The following AFDN variants were observed in gnomAD, a reference collection of about 807,000 sequenced individuals.
The protein encoded by AFDN is afadin, adherens junction formation factor, also known as afadin.
AFDN carries 68 observed loss-of-function variants against 216.6 expected under a neutral mutation model. That is an observed-to-expected ratio of 0.31 (90% CI 0.26 to 0.38). The LOEUF (loss-of-function observed/expected upper bound fraction) is 0.38, where lower values mean the gene tolerates loss of function less well. Among genes scored for constraint, AFDN ranks in the 10% least tolerant of loss-of-function variants. The pLI, the probability that AFDN is intolerant of heterozygous loss-of-function variation, is 1.00. For synonymous variants in AFDN, 868 were observed against 853.7 expected (o/e 1.02, Z -0.29); for missense variants, 2,136 against 2,342.0 (o/e 0.91, Z 1.82).
chr6:167,870,265 A>C (rs1409858508), intron 2 of AFDN, 121 bp from the exon 3 acceptor site: 3 of 612,028 alleles, frequency 4.9e-6, no homozygotes, highest in Non-Finnish European at 8.7e-6. Context: ...TGAACAATAC[A>C]TTTCAGTCTG....
chr6:167,966,373 C>CT, intron 32 of AFDN: 1 of 1,083,400 alleles, frequency 9.2e-7, no homozygotes, highest in Non-Finnish European at 1.2e-6. Context: ...GGCGATCATA[C>CT]TTGCCTTGGA....
At position 167,834,916 on chromosome 6, in the gene AFDN, A is replaced by G. The variant is rs192013667; in HGVS notation, c.105+7679A>G. Among the ~76,000 whole-genome samples the G allele has an allele frequency of 1.2e-3, 183 of 152,288 alleles. 1 individual carries two copies. The highest frequency in any genetic ancestry group is 4.2e-3 in the African/African-American group (176 of 41,564). Reference sequence around the variant, plus strand: ...ACGATTGCTTGAGCCCAGGAGGTCAAGGCTGCAGTGACCTATGAAGGAGCC... The same window carrying G: ...ACGATTGCTTGAGCCCAGGAGGTCAGGGCTGCAGTGACCTATGAAGGAGCC... On this transcript the variant is annotated intron_variant, in intron 1 of 33. Coordinates refer to ENST00000683244, the MANE Select transcript of AFDN (RefSeq NM_001386888.1).
intron 9 of AFDN, among the ~76,000 whole-genome samples, chr6:167,895,838 C>A (rs758735429): frequency 2.6e-5 from 4 of 152,126 alleles, no homozygotes; most frequent in Non-Finnish European, 2.9e-5. Context: ...TTATAAGGCA[C>A]TCATAAAGCA....
At position 167,872,359 on chromosome 6, in the gene AFDN, C is replaced by T; in HGVS notation, c.560C>T (p.Pro187Leu). ...CAGGCATCTGATAAAGATGATAGAC[C>T]TTTCCAAGGGGAGGATGTGTAAGTC... ...LRQASDKDDR[P>L]FQGEDVENSR... The change falls in exon 4 of 34, where the codon CCT becomes CTT. Residue 187 changes from proline to leucine, a missense_variant. By Grantham distance (98) the Pro-to-Leu change is moderately conservative. Around this residue, in one of 8 missense-constraint regions of AFDN, gnomAD observed 817 missense variants for 965.7 expected, o/e 0.85. Coordinates refer to ENST00000683244, the MANE Select transcript of AFDN (RefSeq NM_001386888.1). 1 of 1,610,364 alleles carries T rather than the reference C, an allele frequency of 6.2e-7. No individual in the cohort carries two copies.
chr6:167,879,684 G>A lies in AFDN; in HGVS notation c.740-676G>A, dbSNP rs1785868518. 2.6e-5 allele frequency among the ~76,000 whole-genome samples: 4 copies of A among 152,284 alleles called. No homozygotes were observed. In the South Asian group the frequency reaches 8.3e-4, roughly 32 times the overall value. ...TAAAAAGAAACAAAAGAAAATGTCA[G>A]GATATCCAAATTGCTCTGCTGTAGT... On this transcript the variant is annotated intron_variant, in intron 5 of 33. Transcript: ENST00000683244.
chr6:167,872,372 G>C lies in AFDN; in HGVS notation c.573G>C (p.Glu191Asp). Residue 191 changes from glutamate (E) to aspartate (D), a missense_variant, in exon 4 of 34, where the codon GAG (glutamate) becomes GAC (aspartate). Glu to Asp is a conservative substitution (Grantham distance 45, BLOSUM62 2). Coordinates refer to ENST00000683244, the MANE Select transcript of AFDN (RefSeq NM_001386888.1). ...SDKDDRPFQGEDVENSRLAAE... is the reference protein window; with the variant it reads ...SDKDDRPFQGDDVENSRLAAE... The stretch of plus-strand genomic sequence containing the variant: ...AAGATGATAGACCTTTCCAAGGGGA[G>C]GATGTGTAAGTCAGTTTTGGAAATG... 1.9e-6 allele frequency: 3 copies of C among 1,605,400 alleles called. No homozygotes were observed. The highest frequency in any genetic ancestry group is 2.5e-6 in the Non-Finnish European group (3 of 1,177,766).
rs1797951177 is a variant in AFDN, at chr6:167,970,462, T to C, written c.*527T>C. On this transcript the variant is annotated 3_prime_UTR_variant, in exon 34 of 34. Coordinates refer to ENST00000683244, the MANE Select transcript of AFDN (RefSeq NM_001386888.1). The stretch of plus-strand genomic sequence containing the variant: ...GACGACATGCTCCTCCCATGTCCCC[T>C]GATGGTGTCTGTTCCCACAATATCC... 9.1e-6 allele frequency: 2 copies of C among 220,168 alleles called. No individual in the cohort carries two copies. The highest frequency in any genetic ancestry group is 5.8e-5 in the Admixed American group (1 of 17,278). 13.6% of individuals were successfully genotyped at this position (220,168 alleles called of 1,614,324 possible). A position where few individuals can be genotyped will look rare whatever the true frequency, so the allele number is the denominator to read the frequency against.
chr6:167,844,177 AGTGTGTGTGT>A (rs71004173), intron 1 of AFDN, among the ~76,000 whole-genome samples: 3,943 of 141,768 alleles, frequency 0.028, 61 homozygotes, highest in Non-Finnish European at 0.033. Context: ...TCAAAAATGA[AGTGTGTGTGT>A]GTGTGTGTGT....
rs1788540351 is a variant in AFDN, at chr6:167,898,367, T to C, written c.1480T>C (p.Ser494Pro). The change falls in exon 11 of 34, where the codon TCC becomes CCC. Residue 494 changes from serine (S) to proline (P), a missense_variant. This residue lies in a region of AFDN where 817 missense variants were observed against 965.7 expected (regional missense o/e 0.85). Transcript: ENST00000683244. Reference protein sequence around the residue: ...QSGMKVQFGASHVFKFVDPSQ... With the variant: ...QSGMKVQFGAPHVFKFVDPSQ... ...TGGCATGAAAGTGCAGTTTGGGGCG[T>C]CCCATGTATTTAAGTTTGTGGACCC... is the stretch of plus-strand genomic sequence containing the variant. 1 of 1,614,032 alleles carries C rather than the reference T, an allele frequency of 6.2e-7. No individual in the cohort carries two copies. The highest frequency in any genetic ancestry group is 8.5e-7 in the Non-Finnish European group (1 of 1,180,032).
At chr6:167,963,376 T>C (rs770337522) in intron 31 of AFDN, 15 of 1,057,824 alleles carry the variant, frequency 1.4e-5, no homozygotes, top group Non-Finnish European at 1.6e-5. Flanking sequence ...TTCCCTTCTA[T>C]GAAGGTAGAA....
chr6:167,891,325 T>C (rs1787544368), intron 8 of AFDN, among the ~76,000 whole-genome samples: 1 of 152,056 alleles, frequency 6.6e-6, no homozygotes, highest in African/African-American at 2.4e-5. Context: ...AAATTTTTTT[T>C]TCCAAGATAA....
intron 1 of AFDN, among the ~76,000 whole-genome samples, chr6:167,830,029 T>C (rs1199017331): frequency 6.6e-6 from 1 of 152,260 alleles, no homozygotes; most frequent in African/African-American, 2.4e-5. Flanking sequence ...GATCTGAACC[T>C]GATGTTGTTA....
Position 167,872,222 on chromosome 6 carries a change from A to G in AFDN, c.423A>G (p.Gln141=), listed in dbSNP as rs1233565626. 6.2e-7 allele frequency: 1 copy of G among 1,609,194 alleles called. No homozygotes were observed. The highest frequency in any genetic ancestry group is 8.5e-7 in the Non-Finnish European group (1 of 1,178,858). ...ENDAIPPKKA[Q]SNGPEKQEKE... The stretch of plus-strand genomic sequence containing the variant: ...AATGTTACTTTCATCAGAAGGCTCA[A>G]AGTAATGGACCTGAAAAGCAGGAAA... The change falls in exon 4 of 34, where the codon CAA becomes CAG. Residue 141 remains glutamine, a synonymous_variant. Transcript: ENST00000683244.
chr6:167,849,245 T>A (rs1304083396), intron 1 of AFDN, among the ~76,000 whole-genome samples: 1 of 152,212 alleles, frequency 6.6e-6, no homozygotes, highest in African/African-American at 2.4e-5. Context: ...ATTGTCATCA[T>A]TAGTATTTGT....
intron 1 of AFDN, among the ~76,000 whole-genome samples, chr6:167,835,438 T>C (rs984011258): frequency 1.3e-5 from 2 of 152,230 alleles, no homozygotes; most frequent in African/African-American, 2.4e-5. Context: ...CAATTGCTCA[T>C]ATACTTTTTT....
chr6:167,847,712 T>A (rs2128160151), intron 1 of AFDN, among the ~76,000 whole-genome samples: 1 of 152,340 alleles, frequency 6.6e-6, no homozygotes, highest in Admixed American at 6.5e-5. Flanking sequence ...GCTAACTTCA[T>A]ATCTCCCACC....
intron 12 of AFDN, among the ~76,000 whole-genome samples, chr6:167,906,013 G>A (rs1789629621): frequency 6.6e-6 from 1 of 152,210 alleles, no homozygotes. Context: ...TAAGGCAGGA[G>A]AATGGCGTGA....
chr6:167,954,383 G>C lies in AFDN; in HGVS notation c.4833+2196G>C, dbSNP rs558704764. 8 of 1,236,896 alleles carry C rather than the reference G, an allele frequency of 6.5e-6. No individual in the cohort carries two copies. In the South Asian group the frequency reaches 1.2e-4, roughly 18 times the overall value. The allele number at this position is 1,236,896 out of a possible 1,614,324, so 76.6% of individuals were successfully genotyped here. On this transcript the variant is annotated intron_variant, in intron 30 of 33. Transcript: ENST00000683244. ...ATAGTGAGAAAATATGCCGATGGCAGATTACAGGTCTAAACCTAACTTTTT... is the reference window on the plus strand; with the variant it reads ...ATAGTGAGAAAATATGCCGATGGCACATTACAGGTCTAAACCTAACTTTTT...
Position 167,827,173 on chromosome 6 carries a change from C to T in AFDN, c.41C>T (p.Ala14Val). ...CGTGACGAGGAGCGGCGGAAGCTGG[C>T]CGACATCATCCACCACTGGAACGCC... The part of the protein sequence containing the change: ...GGRDEERRKL[A>V]DIIHHWNANR... The change falls in exon 1 of 34, where the codon GCC becomes GTC. Residue 14 changes from alanine (A) to valine (V), a missense_variant. By Grantham distance (64) the Ala-to-Val change is moderately conservative. This residue lies in a region of AFDN where 81 missense variants were observed against 51.2 expected (regional missense o/e 1.58). Transcript: ENST00000683244. 6 of 1,304,396 alleles carry T rather than the reference C, an allele frequency of 4.6e-6. No individual in the cohort carries two copies. Among genetic ancestry groups the T allele is most frequent in the African/African-American group, 3.2e-5 (2 of 63,236 alleles). The allele number at this position is 1,304,396 out of a possible 1,614,324, so 80.8% of individuals were successfully genotyped here.
Sources: allele counts gnomAD v4.1 joint callset (sites outside exome capture counted in the v4.1 genomes callset), GRCh38; gene constraint gnomAD v4.1.1; regional missense constraint gnomAD v4.1.1; transcripts MANE v1.5; gene names NCBI Gene and HGNC (gene_info 2026-07-23, HGNC 2026-07-21).